ADAM10: variants seen among roughly 807,000 people sequenced by gnomAD.
The protein encoded by ADAM10 is disintegrin and metalloproteinase domain-containing protein 10.
In ADAM10, 17 loss-of-function variants were observed where a neutral mutation model predicts 90.1. The observed-to-expected ratio is 0.19, with a 90% CI of 0.13 to 0.28. ADAM10 has a LOEUF of 0.28. ADAM10 is among the 10% of genes least tolerant of loss of function. The probability of loss-of-function intolerance (pLI) is 1.00; values close to 1 mark genes in which losing one functional copy is unlikely to be tolerated. For missense variants in ADAM10, 610 were observed against 914.3 expected, an observed-to-expected ratio of 0.67 and a Z score of 4.29; for synonymous variants, 310 against 298.6, an observed-to-expected ratio of 1.04 and a Z score of -0.40.
chr15:58,659,631 T>A (rs1189662538), intron 5 of ADAM10, among the ~76,000 whole-genome samples: 4 of 152,230 alleles, frequency 2.6e-5, no homozygotes, highest in African/African-American at 9.6e-5. Context: ...ATTTTACTTT[T>A]ATATTTCTGA....
rs140672465 is a variant in ADAM10 at position 58,604,127 on chromosome 15, C to T, written c.2026-4403G>A. Among the ~76,000 whole-genome samples, 949 of 152,140 alleles carry T rather than the reference C, an allele frequency of 6.2e-3. 17 individuals are homozygous for T. Among genetic ancestry groups the T allele is most frequent in the African/African-American group, 0.022 (905 of 41,518 alleles). ...CTGTAATCCTAGCACTGTGGGAAGCCGGGGCGGGTGGATCACCTGAGGTCA... is the reference window on the plus strand; with the variant it reads ...CTGTAATCCTAGCACTGTGGGAAGCTGGGGCGGGTGGATCACCTGAGGTCA... On this transcript the variant is annotated intron_variant, in intron 14 of 15. Transcript: ENST00000260408.
At chr15:58,650,047 T>C (rs1300418930) in intron 5 of ADAM10, among the ~76,000 whole-genome samples, 1 of 152,218 alleles carries the variant, frequency 6.6e-6, no homozygotes, top group African/African-American at 2.4e-5. Flanking sequence ...TTTTTGTTGT[T>C]AACATTTGTC....
At chr15:58,684,933 G>C (rs1035496807) in intron 2 of ADAM10, among the ~76,000 whole-genome samples, 2 of 152,118 alleles carry the variant, frequency 1.3e-5, no homozygotes, top group East Asian at 3.9e-4. Flanking sequence ...TTGGTGTCTG[G>C]AGAATCAAGA....
chr15:58,688,168 T>C (rs1566995390), intron 2 of ADAM10, among the ~76,000 whole-genome samples: 1 of 152,210 alleles, frequency 6.6e-6, no homozygotes, highest in South Asian at 2.1e-4. Flanking sequence ...GGGGGAAAGA[T>C]GTCCAGGACT....
At chr15:58,640,742 T>C (rs1896397421) in intron 8 of ADAM10, 35 bp downstream of exon 8, 7 of 1,596,500 alleles carry the variant, frequency 4.4e-6, no homozygotes, top group Admixed American at 3.3e-5. Flanking sequence ...TTGTTTCAAG[T>C]AGTAAGTTAA....
chr15:58,741,298 G>T (rs1403271934), intron 1 of ADAM10, among the ~76,000 whole-genome samples: 1 of 151,818 alleles, frequency 6.6e-6, no homozygotes, highest in Non-Finnish European at 1.5e-5. Context: ...TCATATTTTT[G>T]AACTGAATAG....
At chr15:58,677,814 C>G (rs1224397044) in intron 4 of ADAM10, among the ~76,000 whole-genome samples, 3 of 152,046 alleles carry the variant, frequency 2.0e-5, no homozygotes, top group Admixed American at 6.6e-5. Flanking sequence ...TTATGAAAAG[C>G]CTGCTGCACA....
intron 2 of ADAM10, chr15:58,692,544 C>T: frequency 3.7e-6 from 2 of 533,730 alleles, no homozygotes; most frequent in South Asian, 1.4e-5. Context: ...TCTCTGGTTC[C>T]TTCTCCAAAT....
intron 2 of ADAM10, among the ~76,000 whole-genome samples, chr15:58,702,302 T>TG (rs1383142824): frequency 6.6e-6 from 1 of 151,678 alleles, no homozygotes; most frequent in African/African-American, 2.4e-5. Context: ...CAAGGGTGAG[T>TG]GGGTGGGGCT....
rs117644625 is a variant in ADAM10, at chr15:58,715,097, T to C, written c.206+2480A>G. On this transcript the variant is annotated intron_variant, in intron 2 of 15. Transcript: ENST00000260408. ...AATTACAGAAAATACAGTAAGTTTG[T>C]ATAGTTAATTAAGCAGATTTGTGTT... 7.4e-3 allele frequency among the ~76,000 whole-genome samples: 1,133 copies of C among 152,246 alleles called. 9 individuals are homozygous for C. Among genetic ancestry groups the C allele is most frequent in the Non-Finnish European group, 0.012 (848 of 67,996 alleles).
Position 58,597,535 on chromosome 15 carries a change from C to CA in ADAM10, c.*11dup, listed in dbSNP as rs1463400587. On this transcript the variant is annotated 3_prime_UTR_variant, in exon 16 of 16. Coordinates refer to ENST00000260408, the MANE Select transcript of ADAM10 (RefSeq NM_001110.4). ...TTGTAGGCACTAGGAAGAACCAAGG[C>CA]AAAAGCTGCAGTTAGCGTCTCATGT... 1.2e-6 allele frequency: 2 copies of CA among 1,613,948 alleles called. No individual in the cohort carries two copies. Among genetic ancestry groups the CA allele is most frequent in the Non-Finnish European group, 1.7e-6 (2 of 1,180,012 alleles).
intron 1 of ADAM10, among the ~76,000 whole-genome samples, chr15:58,736,826 C>A (rs1223112210): frequency 6.6e-6 from 1 of 151,912 alleles, no homozygotes; most frequent in Non-Finnish European, 1.5e-5. Context: ...ATAGAGAAAA[C>A]AGATCCTTTA....
intron 5 of ADAM10, among the ~76,000 whole-genome samples, chr15:58,652,950 A>G (rs1423886858): frequency 3.3e-5 from 5 of 152,018 alleles, no homozygotes; most frequent in African/African-American, 1.2e-4. Flanking sequence ...TCTTTGGTTA[A>G]TTCCTAGGTA....
intron 1 of ADAM10, among the ~76,000 whole-genome samples, chr15:58,719,768 T>C (rs1898779968): frequency 6.6e-6 from 1 of 152,124 alleles, no homozygotes; most frequent in South Asian, 2.1e-4. Context: ...CTTCAATCAT[T>C]AGTTGTTTCC....
chr15:58,664,436 A>C (rs560652054), intron 5 of ADAM10, among the ~76,000 whole-genome samples: 1 of 152,260 alleles, frequency 6.6e-6, no homozygotes, highest in South Asian at 2.1e-4. Context: ...TTAACACTAG[A>C]AAGACCCACC....
chr15:58,614,891 G>T (rs945533331), intron 11 of ADAM10, among the ~76,000 whole-genome samples: 3 of 152,008 alleles, frequency 2.0e-5, no homozygotes, highest in Admixed American at 1.3e-4. Context: ...AGAAAAAGAA[G>T]AGTCAAATGT....
chr15:58,749,482 C>A lies in ADAM10; in HGVS notation c.53G>T (p.Gly18Val). Residue 18 changes from glycine (G) to valine (V), a missense_variant and splice_region_variant, in exon 1 of 16, where the codon GGA becomes GTA. Coordinates refer to ENST00000260408, the MANE Select transcript of ADAM10 (RefSeq NM_001110.4). ...ILLLSWAAGM[G>V]GQYGNPLNKY... ...CGGCGCTCGCAGTCGTGCCTCACCT[C>A]CCATCCCCGCCGCCCAGGAGAGGAG... 1 of 1,550,850 alleles carries A rather than the reference C, an allele frequency of 6.4e-7. No homozygotes were observed. Among genetic ancestry groups the A allele is most frequent in the Non-Finnish European group, 8.7e-7 (1 of 1,147,218 alleles).
chr15:58,674,965 G>A (rs1461605224), intron 4 of ADAM10, among the ~76,000 whole-genome samples: 12 of 152,206 alleles, frequency 7.9e-5, no homozygotes, highest in Admixed American at 6.5e-4. Flanking sequence ...CGAGGCGGGC[G>A]GATCACGAGG....
At chr15:58,676,628 ATATT>A (rs1482163331) in intron 4 of ADAM10, among the ~76,000 whole-genome samples, 3 of 152,168 alleles carry the variant, frequency 2.0e-5, no homozygotes, top group Admixed American at 1.3e-4. Flanking sequence ...TATGAAATTA[ATATT>A]TAAGTGTCTA....
Sources: allele counts gnomAD v4.1 joint callset (sites outside exome capture counted in the v4.1 genomes callset), GRCh38; gene constraint gnomAD v4.1.1; transcripts MANE v1.5; gene names NCBI Gene and HGNC (gene_info 2026-07-23, HGNC 2026-07-21).